The following SP140L variants were observed in gnomAD, a reference collection of about 807,000 sequenced individuals.
The protein encoded by SP140L is nuclear body protein SP140-like protein.
Under a neutral mutation model 84.3 loss-of-function variants are expected in SP140L, and 64 were observed. The observed-to-expected ratio is 0.76, with a 90% confidence interval of 0.62 to 0.94. The LOEUF is 0.94. SP140L is among the 40% of genes least tolerant of loss of function. The pLI is 0.00. For synonymous variants in SP140L, 242 were observed against 236.9 expected (o/e 1.02, Z -0.20); for missense variants, 628 against 692.5 (o/e 0.91, Z 1.05).
chr2:230,347,003 C>G (rs1054651950), intron 2 of SP140L, among the ~76,000 whole-genome samples: 1 of 152,236 alleles, frequency 6.6e-6, no homozygotes, highest in Non-Finnish European at 1.5e-5. Context: ...GTAACCTCTT[C>G]CAACCTTTAT....
At chr2:230,332,302 A>G (rs796257478) in intron 2 of SP140L, among the ~76,000 whole-genome samples, 11 of 152,362 alleles carry the variant, frequency 7.2e-5, no homozygotes, top group African/African-American at 2.2e-4. Context: ...TTAAAATACA[A>G]AAGTAGCTCT....
intron 2 of SP140L, among the ~76,000 whole-genome samples, chr2:230,336,651 A>G (rs1012855335): frequency 2.0e-5 from 3 of 152,224 alleles, no homozygotes; most frequent in South Asian, 2.1e-4. Flanking sequence ...ATTTTATTCA[A>G]ATCTTTAACT....
chr2:230,328,732 A>G (rs1481874089), intron 1 of SP140L, 25 bp from the exon 2 acceptor site: 22 of 1,609,304 alleles, frequency 1.4e-5, no homozygotes, highest in Non-Finnish European at 1.8e-5. Flanking sequence ...ACTTGTTTAT[A>G]GATCCTGCCA....
intron 2 of SP140L, among the ~76,000 whole-genome samples, chr2:230,351,151 T>C (rs763651286): frequency 3.3e-5 from 5 of 152,216 alleles, no homozygotes; most frequent in Non-Finnish European, 7.3e-5. Context: ...ATCTGCTGGG[T>C]CAGTCAGTCT....
intron 1 of SP140L, among the ~76,000 whole-genome samples, chr2:230,328,404 T>C (rs2059638911): frequency 6.6e-6 from 1 of 152,238 alleles, no homozygotes; most frequent in South Asian, 2.1e-4. Context: ...TTGTAATAAA[T>C]GGAATTACAT....
chr2:230,393,327 A>G (rs1005087659), intron 12 of SP140L, 87 bp from the exon 13 acceptor site: 2 of 1,420,028 alleles, frequency 1.4e-6, no homozygotes, highest in African/African-American at 2.9e-5. Context: ...ACACTCAGGT[A>G]GAAGTATTTG....
In SP140L at chr2:230,400,183, C is replaced by T. The variant is rs61734774; in HGVS notation, c.1254C>T (p.Cys418=). ...GGGACGGAGGGGAGCTGTTCTGTTG[C>T]GACACTTGTTCAAGAGTCTTCCATG... ...VCRDGGELFC[C]DTCSRVFHED... The change falls in exon 15 of 19, where the codon TGC becomes TGT. Residue 418 remains cysteine, a synonymous_variant. Transcript: ENST00000415673. 4,594 of 1,614,086 alleles carry T rather than the reference C, an allele frequency of 2.8e-3. 113 individuals are homozygous for T. In the African/African-American group the frequency reaches 0.053, roughly 19 times the overall value.
At chr2:230,373,409 T>C (rs1328243875) in intron 7 of SP140L, among the ~76,000 whole-genome samples, 1 of 152,188 alleles carries the variant, frequency 6.6e-6, no homozygotes, top group African/African-American at 2.4e-5. Flanking sequence ...CAGGTGACTT[T>C]CTCTTGAAGC....
intron 7 of SP140L, among the ~76,000 whole-genome samples, chr2:230,381,030 C>T (rs2061386805): frequency 6.6e-6 from 1 of 152,100 alleles, no homozygotes; most frequent in Non-Finnish European, 1.5e-5. Flanking sequence ...AGTTCTTTCC[C>T]CTCAAGACCC....
rs1439357508 is a variant in SP140L at position 230,334,777 on chromosome 2, TA to T, written c.107+5951del. ...CATTACCTGTTCCTTGAAGGATTGC[TA>T]AAAATTGTCCATTAAATGATTTGAA... On this transcript the variant is annotated intron_variant, in intron 2 of 18. Transcript: ENST00000415673. Among the ~76,000 whole-genome samples the T allele has an allele frequency of 2.6e-5, 4 of 152,130 alleles. No individual in the cohort carries two copies. The East Asian group carries it at 7.7e-4, about 29-fold the overall frequency.
intron 9 of SP140L, among the ~76,000 whole-genome samples, chr2:230,387,496 G>T (rs890285460): frequency 4.6e-5 from 7 of 152,148 alleles, no homozygotes; most frequent in African/African-American, 1.7e-4. Flanking sequence ...CTTTGGGTCC[G>T]ATTGGTCCTT....
intron 7 of SP140L, among the ~76,000 whole-genome samples, chr2:230,380,310 G>A (rs6710190): frequency 0.23 from 34,976 of 152,044 alleles, 4,258 homozygotes; most frequent in Non-Finnish European, 0.28. Context: ...TCCCACATGA[G>A]AATAAGGGAG....
rs1188084024 is a variant in SP140L, at chr2:230,403,165, G to A, written c.*269G>A. The A allele has an allele frequency of 5.6e-6, 2 of 357,214 alleles. No individual in the cohort carries two copies. Among genetic ancestry groups the A allele is most frequent in the African/African-American group, 4.3e-5 (2 of 46,178 alleles). 22.1% of individuals were successfully genotyped at this position (357,214 alleles called of 1,614,324 possible). The stretch of plus-strand genomic sequence containing the variant: ...ACAGACTCTCACCTCTTCTCCTGAG[G>A]TCTGCTCCAGACAACATTTATTACT... On this transcript the variant is annotated 3_prime_UTR_variant, in exon 19 of 19. Transcript: ENST00000415673.
At chr2:230,330,942 A>AC (rs1337544174) in intron 2 of SP140L, among the ~76,000 whole-genome samples, 3 of 152,182 alleles carry the variant, frequency 2.0e-5, no homozygotes, top group African/African-American at 7.2e-5. Context: ...TGTGGACACC[A>AC]CCAGTCCATG....
chr2:230,381,106 G>A (rs1244369927), intron 7 of SP140L, among the ~76,000 whole-genome samples: 2 of 149,792 alleles, frequency 1.3e-5, no homozygotes, highest in Non-Finnish European at 3.0e-5. Flanking sequence ...CTGCAGTGGA[G>A]GAATGCTTCA....
chr2:230,343,894 A>G (rs915776388), intron 2 of SP140L, among the ~76,000 whole-genome samples: 1 of 152,138 alleles, frequency 6.6e-6, no homozygotes, highest in Non-Finnish European at 1.5e-5. Context: ...AGAAACTGTT[A>G]TGATTACTGT....
chr2:230,392,045 G>A (rs1445427872), intron 11 of SP140L, 42 bp from the exon 12 acceptor site: 1 of 1,611,330 alleles, frequency 6.2e-7, no homozygotes, highest in East Asian at 2.2e-5. Context: ...CTGAGCGCTG[G>A]GAACAAAGAG....
intron 4 of SP140L, among the ~76,000 whole-genome samples, chr2:230,359,987 T>TTTGGTATTGGTGCTATACCAAACTAAAGG (rs1258000240): frequency 2.7e-5 from 4 of 150,724 alleles, no homozygotes; most frequent in Non-Finnish European, 4.4e-5. Flanking sequence ...CAAACTAAAG[T>TTTGGTATTGGTGCTATACCAAACTAAAGG]TTTGATTCTT....
At position 230,342,197 on chromosome 2, in the gene SP140L, C is replaced by T. The variant is rs537413329; in HGVS notation, c.107+13366C>T. ...AGGTGTGGGATATAATCTCGTGGTGCGCCGTTTTTTAAGCCCGTCGGAAAA... is the reference window on the plus strand; with the variant it reads ...AGGTGTGGGATATAATCTCGTGGTGTGCCGTTTTTTAAGCCCGTCGGAAAA... On this transcript the variant is annotated intron_variant, in intron 2 of 18. Transcript: ENST00000415673. 1.8e-3 allele frequency: 295 copies of T among 161,698 alleles called. 1 individual carries two copies. Among genetic ancestry groups the T allele is most frequent in the African/African-American group, 6.3e-3 (263 of 41,692 alleles). The allele number at this position is 161,698 out of a possible 1,614,324, so 10.0% of individuals were successfully genotyped here.
Sources: allele counts gnomAD v4.1 joint callset (sites outside exome capture counted in the v4.1 genomes callset), GRCh38; gene constraint gnomAD v4.1.1; transcripts MANE v1.5; gene names NCBI Gene and HGNC (gene_info 2026-07-23, HGNC 2026-07-21).